The following ATP10A variants were observed in gnomAD, a reference collection of about 807,000 sequenced individuals.
ATP10A encodes the protein ATPase phospholipid transporting 10A (putative), also known as phospholipid-transporting ATPase VA.
ATP10A carries 111 observed loss-of-function variants against 147.8 expected under a neutral mutation model. The ratio of observed to expected loss-of-function variants is 0.75; its 90% CI spans 0.64 to 0.88. The LOEUF (loss-of-function observed/expected upper bound fraction) is 0.88, where lower values mean the gene tolerates loss of function less well. ATP10A is among the 40% of genes least tolerant of loss of function. The probability of loss-of-function intolerance (pLI) is 0.00; values close to 1 mark genes in which losing one functional copy is unlikely to be tolerated. For missense variants in ATP10A, 1,927 were observed against 1,959.0 expected, an observed-to-expected ratio of 0.98 and a Z score of 0.31; for synonymous variants, 875 against 841.6, an observed-to-expected ratio of 1.04 and a Z score of -0.69.
rs575056771 is a variant in ATP10A, at chr15:25,701,208, A to C, written c.2760+708T>G. Among the ~76,000 whole-genome samples the C allele has an allele frequency of 1.6e-4, 24 of 152,286 alleles. No individual in the cohort carries two copies. In the South Asian group the frequency reaches 4.8e-3, roughly 30 times the overall value. On this transcript the variant is annotated intron_variant, in intron 13 of 20. Transcript: ENST00000555815. Reference sequence around the variant, plus strand: ...TGAGTGGGGGCTGCTGCAATAACTCACAGAGCAGGAATGCTCCCACCAAGG... The same window carrying C: ...TGAGTGGGGGCTGCTGCAATAACTCCCAGAGCAGGAATGCTCCCACCAAGG...
intron 1 of ATP10A, among the ~76,000 whole-genome samples, chr15:25,821,938 C>T (rs1319695026): frequency 6.6e-6 from 1 of 152,080 alleles, no homozygotes; most frequent in Admixed American, 6.6e-5. Flanking sequence ...ATTCAGTCAA[C>T]CCTCCAGTAC....
chr15:25,719,621 C>T (rs1397930565), intron 7 of ATP10A, among the ~76,000 whole-genome samples: 1 of 148,588 alleles, frequency 6.7e-6, no homozygotes, highest in Non-Finnish European at 1.5e-5. Flanking sequence ...TCCTTCAGGG[C>T]CCCCTCCTTC....
chr15:25,797,119 TC>T (rs1567391418), intron 1 of ATP10A, among the ~76,000 whole-genome samples: 1 of 151,992 alleles, frequency 6.6e-6, no homozygotes, highest in Non-Finnish European at 1.5e-5. Flanking sequence ...TTGACCAAAA[TC>T]CCCCCAAGTC....
At chr15:25,735,159 A>C (rs1299168160) in intron 3 of ATP10A, among the ~76,000 whole-genome samples, 1 of 152,122 alleles carries the variant, frequency 6.6e-6, no homozygotes, top group African/African-American at 2.4e-5. Context: ...GGCTGAGCCC[A>C]CGGGAGGTGG....
chr15:25,724,962 T>C (rs538944448), intron 5 of ATP10A, among the ~76,000 whole-genome samples: 1 of 152,200 alleles, frequency 6.6e-6, no homozygotes. Flanking sequence ...TTAGGCATTA[T>C]AAGTAACCTA....
chr15:25,729,711 C>A (rs1334492344), intron 3 of ATP10A, among the ~76,000 whole-genome samples: 1 of 152,198 alleles, frequency 6.6e-6, no homozygotes, highest in Non-Finnish European at 1.5e-5. Flanking sequence ...CTAGCCTCTG[C>A]CTGAGGTAGC....
At chr15:25,842,942 C>T (rs1017698367) in intron 1 of ATP10A, among the ~76,000 whole-genome samples, 4 of 152,160 alleles carry the variant, frequency 2.6e-5, no homozygotes, top group Non-Finnish European at 4.4e-5. Context: ...TGGTCTCAAA[C>T]TTCTGGCCTC....
chr15:25,778,932 A>G (rs183960197), intron 2 of ATP10A, among the ~76,000 whole-genome samples: 15 of 152,252 alleles, frequency 9.9e-5, no homozygotes, highest in African/African-American at 3.6e-4. Context: ...GCTGGAGTGC[A>G]GTGGTGTGAT....
intron 1 of ATP10A, among the ~76,000 whole-genome samples, chr15:25,833,385 T>C (rs1410082786): frequency 6.6e-6 from 1 of 152,170 alleles, no homozygotes; most frequent in African/African-American, 2.4e-5. Context: ...CTGAGGTCTC[T>C]AAACAGCCAG....
chr15:25,860,750 G>A (rs1401562560), intron 1 of ATP10A, among the ~76,000 whole-genome samples: 1 of 152,198 alleles, frequency 6.6e-6, no homozygotes, highest in African/African-American at 2.4e-5. Context: ...ACAGAGACAA[G>A]AGAATAGCTT....
At chr15:25,795,816 G>C (rs1295747742) in intron 1 of ATP10A, among the ~76,000 whole-genome samples, 1 of 152,196 alleles carries the variant, frequency 6.6e-6, no homozygotes, top group Non-Finnish European at 1.5e-5. Flanking sequence ...GGAGGTGTCT[G>C]GGTCGTGGGG....
chr15:25,781,649 C>A (rs113044357), intron 1 of ATP10A, among the ~76,000 whole-genome samples: 2 of 150,350 alleles, frequency 1.3e-5, no homozygotes, highest in African/African-American at 4.9e-5. Flanking sequence ...AGTGATATTC[C>A]GTCTCAAAAA....
chr15:25,817,996 G>A (rs1406184778), intron 1 of ATP10A, among the ~76,000 whole-genome samples: 1 of 135,716 alleles, frequency 7.4e-6, no homozygotes, highest in African/African-American at 3.2e-5. Context: ...TGGTCAGATG[G>A]TAGTGGGTTA....
intron 1 of ATP10A, among the ~76,000 whole-genome samples, chr15:25,783,761 C>A (rs1890038265): frequency 6.6e-6 from 1 of 152,210 alleles, no homozygotes; most frequent in Admixed American, 6.5e-5. Flanking sequence ...AAAGTGTTCC[C>A]AAAGTTGTTC....
chr15:25,787,822 A>G (rs984297118), intron 1 of ATP10A, among the ~76,000 whole-genome samples: 2 of 151,826 alleles, frequency 1.3e-5, no homozygotes, highest in African/African-American at 2.4e-5. Context: ...TTTTGCTACA[A>G]ACTGGGAAGT....
intron 15 of ATP10A, among the ~76,000 whole-genome samples, chr15:25,688,578 G>A (rs1488652378): frequency 6.7e-6 from 1 of 148,430 alleles, no homozygotes; most frequent in African/African-American, 2.5e-5. Flanking sequence ...TACAATAAAT[G>A]TCTTTGGAAA....
In ATP10A at chr15:25,716,756, TGAC is replaced by T. The variant is rs1484002216; in HGVS notation, c.1747_1749del (p.Val583del). Reference sequence around the variant, plus strand: ...TTTGTTCGTGGCTGATCCGGGGACGTGACGACGACTGTGTTGCAGATGGTGAGT... The same window carrying T: ...TTTGTTCGTGGCTGATCCGGGGACGTGACGACTGTGTTGCAGATGGTGAGT... On this transcript the variant is annotated inframe_deletion, in exon 9 of 21. Coordinates refer to ENST00000555815, the MANE Select transcript of ATP10A (RefSeq NM_024490.4). 6.3e-7 allele frequency: 1 copy of T among 1,596,656 alleles called. No homozygotes were observed. Among genetic ancestry groups the T allele is most frequent in the African/African-American group, 1.3e-5 (1 of 74,142 alleles).
intron 1 of ATP10A, among the ~76,000 whole-genome samples, chr15:25,830,146 G>C (rs1292578426): frequency 6.6e-6 from 1 of 152,112 alleles, no homozygotes; most frequent in African/African-American, 2.4e-5. Flanking sequence ...GAGAGGAGGA[G>C]GCCTGGTGAT....
intron 2 of ATP10A, among the ~76,000 whole-genome samples, chr15:25,769,354 G>A (rs1889208718): frequency 6.6e-6 from 1 of 151,834 alleles, no homozygotes; most frequent in Non-Finnish European, 1.5e-5. Context: ...GGGGGTGGTG[G>A]CGGGCGTCTG....
Sources: allele counts gnomAD v4.1 joint callset (sites outside exome capture counted in the v4.1 genomes callset), GRCh38; gene constraint gnomAD v4.1.1; transcripts MANE v1.5; gene names NCBI Gene and HGNC (gene_info 2026-07-23, HGNC 2026-07-21).